The following KANK1 variants were observed in gnomAD, a reference collection of about 807,000 sequenced individuals.
KANK1 encodes KN motif and ankyrin repeat domain-containing protein 1.
In KANK1, 109 loss-of-function variants were observed where a neutral mutation model predicts 106.2. The ratio of observed to expected loss-of-function variants is 1.03; its 90% confidence interval spans 0.88 to 1.20. The LOEUF (loss-of-function observed/expected upper bound fraction) is 1.20, where lower values mean the gene tolerates loss of function less well. KANK1 is among the 50% of genes most tolerant of loss of function. The probability of loss-of-function intolerance (pLI) is 0.00; values close to 1 mark genes in which losing one functional copy is unlikely to be tolerated. For missense variants in KANK1, 2,399 were observed against 1,710.7 expected (o/e 1.40, Z -7.10); for synonymous variants, 873 against 652.2 (o/e 1.34, Z -5.16).
At chr9:706,097 T>C (rs1440483358) in intron 2 of KANK1, among the ~76,000 whole-genome samples, 1 of 152,142 alleles carries the variant, frequency 6.6e-6, no homozygotes, top group East Asian at 1.9e-4. Flanking sequence ...AGTTTTATTG[T>C]AGAATAATTT....
chr9:738,351 G>A lies in KANK1; in HGVS notation c.3400G>A (p.Ala1134Thr), dbSNP rs1834357757. 6.2e-7 allele frequency: 1 copy of A among 1,614,056 alleles called. No homozygotes were observed. Among genetic ancestry groups the A allele is most frequent in the African/African-American group, 1.3e-5 (1 of 74,930 alleles). The change falls in exon 8 of 12, where the codon GCC (alanine) becomes ACC (threonine). Residue 1134 changes from alanine (A) to threonine (T), a missense_variant. By Grantham distance (58) the Ala-to-Thr change is moderately conservative (BLOSUM62 0). Coordinates refer to ENST00000382297, the MANE Select transcript of KANK1 (RefSeq NM_015158.5). Reference sequence around the variant, plus strand: ...GTCCAGTCAGAAGTCAGCCATTCCAGCCATGGTGGGGGACTACATAGCTGC... The same window carrying A: ...GTCCAGTCAGAAGTCAGCCATTCCAACCATGGTGGGGGACTACATAGCTGC... ...RVSSQKSAIP[A>T]MVGDYIAAFE...
At chr9:567,077 C>T (rs1007224184) in intron 1 of KANK1, among the ~76,000 whole-genome samples, 1 of 152,210 alleles carries the variant, frequency 6.6e-6, no homozygotes, top group South Asian at 2.1e-4. Context: ...CCAGTTATCA[C>T]AGCACCATTT....
rs144244493 is a variant in KANK1, at chr9:689,119, A to T, written c.37+12110A>T. Reference sequence around the variant, plus strand: ...TTGGTATTGGCTTTTCTTAATGCTGATTTCAAATCTTGGATGAAAATATAT... The same window carrying T: ...TTGGTATTGGCTTTTCTTAATGCTGTTTTCAAATCTTGGATGAAAATATAT... On this transcript the variant is annotated intron_variant, in intron 2 of 11. Coordinates refer to ENST00000382297, the MANE Select transcript of KANK1 (RefSeq NM_015158.5). 2.9e-4 allele frequency among the ~76,000 whole-genome samples: 44 copies of T among 152,202 alleles called. No individual in the cohort carries two copies. The East Asian group carries it at 3.9e-3, about 13-fold the overall frequency.
intron 1 of KANK1, among the ~76,000 whole-genome samples, chr9:605,674 C>G (rs1309260410): frequency 6.6e-6 from 1 of 151,608 alleles, no homozygotes; most frequent in African/African-American, 2.4e-5. Flanking sequence ...CATGCCATAG[C>G]AAAATTCTGG....
intron 2 of KANK1, among the ~76,000 whole-genome samples, chr9:682,182 A>C (rs1216387117): frequency 6.6e-6 from 1 of 151,928 alleles, no homozygotes; most frequent in African/African-American, 2.4e-5. Context: ...CGGGAGGCTG[A>C]GGCAGGAGAA....
At chr9:658,653 G>A (rs578226716) in intron 1 of KANK1, among the ~76,000 whole-genome samples, 49 of 151,640 alleles carry the variant, frequency 3.2e-4, no homozygotes, top group Non-Finnish European at 6.8e-4. Context: ...ATTAACTTTT[G>A]TATAAGACAG....
chr9:719,073 CCTCAGCCTCCTGAATA>C lies in KANK1; in HGVS notation c.2698+5610_2698+5625del, dbSNP rs561474927. Among the ~76,000 whole-genome samples the C allele has an allele frequency of 1.0e-3, 152 of 149,490 alleles. 2 individuals are homozygous for C. In the South Asian group the frequency reaches 0.016, roughly 16 times the overall value. ...CTCCTGGGTTCAAGTGATTGTCCTG[CCTCAGCCTCCTGAATA>C]GCTGGGACTACAGGCACACGCCACC... On this transcript the variant is annotated intron_variant, in intron 3 of 11. Coordinates refer to ENST00000382297, the MANE Select transcript of KANK1 (RefSeq NM_015158.5).
intron 1 of KANK1, among the ~76,000 whole-genome samples, chr9:619,703 A>G (rs1832686181): frequency 6.6e-6 from 1 of 152,194 alleles, no homozygotes. Flanking sequence ...TGTAATTTTC[A>G]AGGATTTAAT....
intron 1 of KANK1, among the ~76,000 whole-genome samples, chr9:632,026 G>C (rs1835863898): frequency 6.6e-6 from 1 of 152,148 alleles, no homozygotes; most frequent in African/African-American, 2.4e-5. Flanking sequence ...TGAGTACAAA[G>C]ACTGTGTCAT....
At chr9:472,499 G>T (rs752569730) in intron 2 of KANK1, among the ~76,000 whole-genome samples, 2 of 152,204 alleles carry the variant, frequency 1.3e-5, no homozygotes, top group Admixed American at 6.5e-5. Context: ...GAGGTCAAGT[G>T]TAGGCCATAA....
At chr9:684,729 T>C (rs989889521) in intron 2 of KANK1, among the ~76,000 whole-genome samples, 3 of 152,208 alleles carry the variant, frequency 2.0e-5, no homozygotes, top group Non-Finnish European at 2.9e-5. Flanking sequence ...TCATCTCCTT[T>C]GTGCAGTTTC....
chr9:713,149 A>G lies in KANK1; in HGVS notation c.2383A>G (p.Arg795Gly). 1 of 1,593,996 alleles carries G rather than the reference A, an allele frequency of 6.3e-7. No homozygotes were observed. Among genetic ancestry groups the G allele is most frequent in the South Asian group, 1.1e-5 (1 of 87,118 alleles). The change falls in exon 3 of 12, where the codon AGG (arginine) becomes GGG (glycine). Residue 795 changes from arginine to glycine, a missense_variant. Arg to Gly is a moderately radical substitution (Grantham distance 125). Coordinates refer to ENST00000382297, the MANE Select transcript of KANK1 (RefSeq NM_015158.5). ...QLTVGLTASRRSVGVGDDPVG... is the reference protein window; with the variant it reads ...QLTVGLTASRGSVGVGDDPVG... ...GACTGTGGGGCTGACAGCCAGCAGAAGGAGCGTGGGGGTTGGGGATGACCC... is the reference window on the plus strand; with the variant it reads ...GACTGTGGGGCTGACAGCCAGCAGAGGGAGCGTGGGGGTTGGGGATGACCC...
chr9:580,966 C>G (rs1439173985), intron 1 of KANK1, among the ~76,000 whole-genome samples: 1 of 152,216 alleles, frequency 6.6e-6, no homozygotes, highest in African/African-American at 2.4e-5. Context: ...CGCTGGCAGG[C>G]TGACACTGCT....
intron 1 of KANK1, among the ~76,000 whole-genome samples, chr9:654,674 G>A (rs1354038127): frequency 6.6e-6 from 1 of 152,096 alleles, no homozygotes; most frequent in Admixed American, 6.6e-5. Context: ...ACCCTTCTAA[G>A]ACATAAATAT....
chr9:608,942 A>G (rs1829956430), intron 1 of KANK1, among the ~76,000 whole-genome samples: 1 of 152,174 alleles, frequency 6.6e-6, no homozygotes, highest in Non-Finnish European at 1.5e-5. Flanking sequence ...AGCATGGGAA[A>G]TAACACATGG....
intron 1 of KANK1, among the ~76,000 whole-genome samples, chr9:657,004 C>G (rs1842288112): frequency 6.6e-6 from 1 of 152,078 alleles, no homozygotes; most frequent in Non-Finnish European, 1.5e-5. Flanking sequence ...TTCCATTTCA[C>G]ATGACTAAAA....
chr9:731,323 C>T (rs1832194869), intron 5 of KANK1, 57 bp downstream of exon 5: 1 of 1,039,494 alleles, frequency 9.6e-7, no homozygotes, highest in African/African-American at 1.6e-5. Flanking sequence ...TACCTCCTGC[C>T]TAAGTCACAT....
intron 1 of KANK1, among the ~76,000 whole-genome samples, chr9:587,229 C>T (rs1431879606): frequency 6.6e-6 from 1 of 152,066 alleles, no homozygotes; most frequent in Non-Finnish European, 1.5e-5. Flanking sequence ...GAATCTGTTC[C>T]CTAGTCTTTT....
chr9:732,295 T>C, intron 5 of KANK1, 83 bp from the exon 6 acceptor site: 1 of 1,496,710 alleles, frequency 6.7e-7, no homozygotes, highest in South Asian at 1.3e-5. Flanking sequence ...TGGAGTCAAT[T>C]AGCAAATCCC....
Sources: allele counts gnomAD v4.1 joint callset (sites outside exome capture counted in the v4.1 genomes callset), GRCh38; gene constraint gnomAD v4.1.1; transcripts MANE v1.5; gene names NCBI Gene and HGNC (gene_info 2026-07-23, HGNC 2026-07-21).